The following NUP214 variants were observed in gnomAD, a reference collection of about 807,000 sequenced individuals.
The protein encoded by NUP214 is nuclear pore complex protein Nup214.
Under a neutral mutation model 196.2 loss-of-function variants are expected in NUP214, and 79 were observed. The observed-to-expected ratio is 0.40, with a 90% CI of 0.34 to 0.49. NUP214 has a LOEUF of 0.49. NUP214 is among the 20% of genes least tolerant of loss of function. The probability of loss-of-function intolerance (pLI) is 0.58; values close to 1 mark genes in which losing one functional copy is unlikely to be tolerated. For missense variants in NUP214, 2,468 were observed against 2,539.0 expected (o/e 0.97, Z 0.60); for synonymous variants, 1,020 against 990.5 (o/e 1.03, Z -0.56).
At chr9:131,139,621 C>T (rs1831848858) in intron 10 of NUP214, among the ~76,000 whole-genome samples, 1 of 152,180 alleles carries the variant, frequency 6.6e-6, no homozygotes, top group Non-Finnish European at 1.5e-5. Context: ...AGGCCAAACA[C>T]TGTATGTATG....
intron 30 of NUP214, among the ~76,000 whole-genome samples, chr9:131,214,628 A>G (rs1009557401): frequency 1.3e-5 from 2 of 152,232 alleles, no homozygotes. Context: ...CCCCTGTGCT[A>G]GCAGCATCCT....
intron 30 of NUP214, among the ~76,000 whole-genome samples, chr9:131,208,590 G>T (rs554283262): frequency 6.6e-6 from 1 of 152,138 alleles, no homozygotes; most frequent in Non-Finnish European, 1.5e-5. Flanking sequence ...CCAGCTACTC[G>T]GGAGGCTGAG....
At chr9:131,211,694 A>G (rs967908264) in intron 30 of NUP214, among the ~76,000 whole-genome samples, 3 of 152,234 alleles carry the variant, frequency 2.0e-5, no homozygotes, top group African/African-American at 7.2e-5. Context: ...AATCGTGAAA[A>G]TGTCATGGAC....
At position 131,127,636 on chromosome 9, in the gene NUP214, C is replaced by T. The variant is rs1831403644; in HGVS notation, c.158C>T (p.Ala53Val). ...TCCAACAAATATGGTCTGGTCTTCG[C>T]TGGTGGAGCCAGTGGCTTGCAGATT... ...AVSNKYGLVF[A>V]GGASGLQIFP... Residue 53 changes from alanine (A) to valine (V), a missense_variant, in exon 2 of 36, where the codon GCT becomes GTT. This residue lies in a region of NUP214 where 392 missense variants were observed against 417.9 expected (regional missense o/e 0.94). Coordinates refer to ENST00000359428, the MANE Select transcript of NUP214 (RefSeq NM_005085.4). The T allele has an allele frequency of 1.2e-6, 2 of 1,613,970 alleles. No individual in the cohort carries two copies. The highest frequency in any genetic ancestry group is 1.7e-6 in the Non-Finnish European group (2 of 1,179,974).
intron 8 of NUP214, 143 bp from the exon 9 acceptor site, chr9:131,135,796 TC>T: frequency 1.7e-6 from 1 of 602,776 alleles, no homozygotes. Context: ...TCTAGAATCT[TC>T]CCACCTTTGT....
rs751180653 is a variant in NUP214, at chr9:131,198,447, C to G, written c.4953C>G (p.Ala1651=). The change falls in exon 29 of 36, where the codon GCC becomes GCG. Residue 1651 remains alanine (A), a synonymous_variant. Transcript: ENST00000359428. ...GSSVFAQPPA[A]SSSSAFNQLT... ...CCGTCTTTGCTCAGCCTCCTGCTGC[C>G]AGTTCTAGCTCAGCTTTCAACCAGC... 6.8e-6 allele frequency: 11 copies of G among 1,614,246 alleles called. No individual in the cohort carries two copies. Among genetic ancestry groups the G allele is most frequent in the African/African-American group, 1.3e-5 (1 of 75,062 alleles).
intron 18 of NUP214, among the ~76,000 whole-genome samples, chr9:131,161,860 CTT>C (rs1296180772): frequency 6.6e-6 from 1 of 152,178 alleles, no homozygotes; most frequent in Admixed American, 6.5e-5. Flanking sequence ...CACCTAGGCG[CTT>C]ATGGTGTATA....
At chr9:131,127,420 T>C in intron 1 of NUP214, 104 bp from the exon 2 acceptor site, 2 of 857,502 alleles carry the variant, frequency 2.3e-6, no homozygotes, top group East Asian at 5.0e-5. Context: ...GACCTTGGTC[T>C]CAGTAATACA....
At chr9:131,231,016 G>T (rs1005128115) in intron 34 of NUP214, among the ~76,000 whole-genome samples, 1 of 152,026 alleles carries the variant, frequency 6.6e-6, no homozygotes, top group Non-Finnish European at 1.5e-5. Flanking sequence ...GTTAAAATTC[G>T]CCAGACATGG....
chr9:131,144,593 G>A lies in NUP214; in HGVS notation c.1608G>A (p.Ala536=), dbSNP rs34495245. ...SKASLAPTPA[A]SPVAPSAASF... is the part of the protein sequence containing the mutation. ...CCTCCCTAGCCCCCACCCCTGCAGC[G>A]TCTCCTGTGGCTCCATCAGCTGCTT... The change falls in exon 12 of 36, where the codon GCG becomes GCA. Residue 536 remains alanine, a synonymous_variant. Transcript: ENST00000359428. 355 of 1,613,962 alleles carry A rather than the reference G, an allele frequency of 2.2e-4. No homozygotes were observed. The African/African-American group carries it at 3.0e-3, about 14-fold the overall frequency.
At chr9:131,207,646 G>A (rs1318793911) in intron 30 of NUP214, among the ~76,000 whole-genome samples, 1 of 152,256 alleles carries the variant, frequency 6.6e-6, no homozygotes, top group Non-Finnish European at 1.5e-5. Context: ...TTCAAGAGGA[G>A]ATACAGAGGC....
chr9:131,136,031 G>C (rs368565513), intron 9 of NUP214, 25 bp downstream of exon 9: 1 of 1,559,394 alleles, frequency 6.4e-7, no homozygotes. Flanking sequence ...TGTCACTTCT[G>C]TGGTGCTTTC....
intron 30 of NUP214, among the ~76,000 whole-genome samples, chr9:131,207,674 G>A (rs1279550934): frequency 2.6e-5 from 4 of 152,238 alleles, no homozygotes; most frequent in African/African-American, 7.2e-5. Context: ...TGCTCTAGAA[G>A]AGCATATGTG....
intron 27 of NUP214, among the ~76,000 whole-genome samples, chr9:131,193,629 C>CTTTTTTTTTTTTTTTTTTTT (rs71389402): frequency 0.01 from 294 of 28,228 alleles, 119 homozygotes; most frequent in Admixed American, 0.014. Flanking sequence ...TCTTCCTTTT[C>CTTTTTTTTTTTTTTTTTTTT]TTTTTTTTTT....
chr9:131,219,355 A>T (rs968532559), intron 31 of NUP214, among the ~76,000 whole-genome samples: 1 of 152,198 alleles, frequency 6.6e-6, no homozygotes, highest in Non-Finnish European at 1.5e-5. Flanking sequence ...ACATTTATGC[A>T]TGGAAAAGAC....
At position 131,151,748 on chromosome 9, in the gene NUP214, G is replaced by A; in HGVS notation, c.2290G>A (p.Asp764Asn). The change falls in exon 17 of 36, where the codon GAT becomes AAT. Residue 764 changes from aspartate to asparagine, a missense_variant. Physicochemically the swap from Asp to Asn is conservative, Grantham distance 23. This residue lies in a region of NUP214 where 1,801 missense variants were observed against 1,779.4 expected (regional missense o/e 1.01). Coordinates refer to ENST00000359428, the MANE Select transcript of NUP214 (RefSeq NM_005085.4). ...GTACTTTTTCTAGTCGCTTCATGGA[G>A]ATATAAGTAGCCTGAAAACAACTTT... ...IKETTESLHG[D>N]ISSLKTTLLE... 1 of 1,610,806 alleles carries A rather than the reference G, an allele frequency of 6.2e-7. No homozygotes were observed. The highest frequency in any genetic ancestry group is 8.5e-7 in the Non-Finnish European group (1 of 1,179,280).
At chr9:131,160,239 G>A (rs1354813908) in intron 18 of NUP214, among the ~76,000 whole-genome samples, 1 of 152,072 alleles carries the variant, frequency 6.6e-6, no homozygotes, top group East Asian at 1.9e-4. Flanking sequence ...AAAGACAAAA[G>A]CATATTGGCT....
At chr9:131,140,080 A>T (rs2281904) in intron 10 of NUP214, among the ~76,000 whole-genome samples, 37,253 of 152,072 alleles carry the variant, frequency 0.24, 4,664 homozygotes, top group East Asian at 0.42. Context: ...AACTGATAAA[A>T]TACATACTTG....
chr9:131,155,691 A>G (rs577143969), intron 17 of NUP214, among the ~76,000 whole-genome samples: 60 of 152,256 alleles, frequency 3.9e-4, no homozygotes, highest in African/African-American at 1.4e-3. Flanking sequence ...TCATTCTTTT[A>G]CATGTGGCTT....
Sources: allele counts gnomAD v4.1 joint callset (sites outside exome capture counted in the v4.1 genomes callset), GRCh38; gene constraint gnomAD v4.1.1; regional missense constraint gnomAD v4.1.1; transcripts MANE v1.5; gene names NCBI Gene and HGNC (gene_info 2026-07-23, HGNC 2026-07-21).